LRRTM4: variants seen among roughly 807,000 people sequenced by gnomAD.
The protein encoded by LRRTM4 is leucine rich repeat transmembrane neuronal 4.
LRRTM4 carries 25 observed loss-of-function variants against 47.6 expected under a neutral mutation model. The ratio of observed to expected loss-of-function variants is 0.53; its 90% CI spans 0.38 to 0.73. LRRTM4 has a LOEUF of 0.73. LRRTM4 is among the 30% of genes least tolerant of loss of function. LRRTM4 has a pLI of 0.00. For synonymous variants in LRRTM4, 311 were observed against 269.5 expected, an observed-to-expected ratio of 1.15 and a Z score of -1.51; for missense variants, 638 against 713.4, an observed-to-expected ratio of 0.89 and a Z score of 1.20.
intron 3 of LRRTM4, among the ~76,000 whole-genome samples, chr2:77,242,317 T>G (rs1166467909): frequency 6.6e-6 from 1 of 152,026 alleles, no homozygotes; most frequent in Admixed American, 6.6e-5. Context: ...AATAAGTAAA[T>G]TGAATTACAT....
intron 3 of LRRTM4, among the ~76,000 whole-genome samples, chr2:77,439,373 C>A (rs535615888): frequency 6.6e-6 from 1 of 151,780 alleles, no homozygotes; most frequent in Non-Finnish European, 1.5e-5. Context: ...AAGAAAAATA[C>A]GGGCAAAAAA....
intron 3 of LRRTM4, among the ~76,000 whole-genome samples, chr2:76,759,498 A>G (rs997915056): frequency 1.3e-5 from 2 of 152,170 alleles, no homozygotes; most frequent in Non-Finnish European, 2.9e-5. Context: ...GACACTCTTA[A>G]GCCAGCAAAC....
chr2:77,482,978 G>A (rs937663015), intron 3 of LRRTM4, among the ~76,000 whole-genome samples: 7 of 151,130 alleles, frequency 4.6e-5, no homozygotes, highest in South Asian at 4.2e-4. Flanking sequence ...AAAATTAGCC[G>A]GGCGTGGTGG....
chr2:76,759,901 A>C (rs779428746), intron 3 of LRRTM4, among the ~76,000 whole-genome samples: 2 of 151,766 alleles, frequency 1.3e-5, no homozygotes, highest in Admixed American at 6.6e-5. Flanking sequence ...TTCCTTGTTT[A>C]TTTTCTTCAT....
At chr2:77,061,434 A>T (rs1679780993) in intron 3 of LRRTM4, among the ~76,000 whole-genome samples, 1 of 152,046 alleles carries the variant, frequency 6.6e-6, no homozygotes, top group Non-Finnish European at 1.5e-5. Flanking sequence ...GCTGAGAGTC[A>T]ACACATTAAT....
intron 3 of LRRTM4, among the ~76,000 whole-genome samples, chr2:77,072,072 T>G (rs1680172874): frequency 6.6e-6 from 1 of 152,186 alleles, no homozygotes; most frequent in Non-Finnish European, 1.5e-5. Context: ...TATACATTAT[T>G]AATACATTTT....
At chr2:77,103,647 G>GTATATATATATATATATATATATA (rs367583554) in intron 3 of LRRTM4, among the ~76,000 whole-genome samples, 5 of 124,118 alleles carry the variant, frequency 4.0e-5, no homozygotes, top group African/African-American at 1.7e-4. Flanking sequence ...ATACATGAGT[G>GTATATATATATATATATATATATA]TATATATATA....
At chr2:77,183,538 C>G (rs1484739986) in intron 3 of LRRTM4, among the ~76,000 whole-genome samples, 1 of 152,136 alleles carries the variant, frequency 6.6e-6, no homozygotes, top group Non-Finnish European at 1.5e-5. Flanking sequence ...CCTCAGGGAT[C>G]TAGAAATAGA....
intron 3 of LRRTM4, among the ~76,000 whole-genome samples, chr2:77,438,714 T>C (rs778389723): frequency 8.5e-5 from 13 of 152,124 alleles, no homozygotes; most frequent in African/African-American, 2.4e-4. Context: ...CGGATAATGA[T>C]AATTTTAAAA....
intron 3 of LRRTM4, among the ~76,000 whole-genome samples, chr2:77,274,793 C>G (rs1676297160): frequency 2.0e-5 from 3 of 152,084 alleles, no homozygotes; most frequent in African/African-American, 7.2e-5. Flanking sequence ...GAAGAGTTAA[C>G]AAATAATAAC....
chr2:77,502,174 C>T (rs1678593158), intron 3 of LRRTM4, among the ~76,000 whole-genome samples: 1 of 151,128 alleles, frequency 6.6e-6, no homozygotes, highest in African/African-American at 2.4e-5. Context: ...AACATGTTCA[C>T]AAGAGAGTAA....
chr2:77,156,544 A>G (rs1465799032), intron 3 of LRRTM4, among the ~76,000 whole-genome samples: 1 of 152,082 alleles, frequency 6.6e-6, no homozygotes, highest in African/African-American at 2.4e-5. Flanking sequence ...TAAATGATAT[A>G]TTCAGAATGA....
intron 3 of LRRTM4, among the ~76,000 whole-genome samples, chr2:77,513,130 T>C (rs939982523): frequency 1.4e-4 from 21 of 152,184 alleles, no homozygotes; most frequent in Non-Finnish European, 2.6e-4. Context: ...GACATATACG[T>C]GTGTGGGAGT....
intron 3 of LRRTM4, among the ~76,000 whole-genome samples, chr2:76,976,149 T>C (rs1005779816): frequency 1.6e-4 from 24 of 151,844 alleles, no homozygotes; most frequent in African/African-American, 5.6e-4. Context: ...TCTGTAATCC[T>C]TTCCTTTAAA....
intron 3 of LRRTM4, among the ~76,000 whole-genome samples, chr2:77,444,138 G>T (rs1025805852): frequency 1.3e-5 from 2 of 152,070 alleles, no homozygotes; most frequent in Non-Finnish European, 1.5e-5. Flanking sequence ...TTAGGAAGAT[G>T]ATAATTAAGA....
chr2:77,321,558 G>T (rs74615062), intron 3 of LRRTM4, among the ~76,000 whole-genome samples: 7 of 72,878 alleles, frequency 9.6e-5, no homozygotes, highest in East Asian at 1.0e-3. Context: ...GGGGAGGGGG[G>T]GGGGTGTGTG....
chr2:77,504,316 G>C (rs1410667780), intron 3 of LRRTM4, among the ~76,000 whole-genome samples: 1 of 151,336 alleles, frequency 6.6e-6, no homozygotes, highest in African/African-American at 2.4e-5. Context: ...CGACCATATG[G>C]CCCATAAAGT....
At chr2:77,087,152 G>A (rs993305944) in intron 3 of LRRTM4, among the ~76,000 whole-genome samples, 4 of 152,152 alleles carry the variant, frequency 2.6e-5, no homozygotes, top group African/African-American at 4.8e-5. Flanking sequence ...TTTTAATAAT[G>A]GCTCTGTAGA....
At chr2:76,895,067 A>G (rs1250791968) in intron 3 of LRRTM4, among the ~76,000 whole-genome samples, 1 of 147,096 alleles carries the variant, frequency 6.8e-6, no homozygotes, top group African/African-American at 2.4e-5. Flanking sequence ...AAACATTTCA[A>G]TAGTTTAAAA....
Sources: allele counts gnomAD v4.1 joint callset (sites outside exome capture counted in the v4.1 genomes callset), GRCh38; gene constraint gnomAD v4.1.1; transcripts MANE v1.5; gene names NCBI Gene and HGNC (gene_info 2026-07-23, HGNC 2026-07-21).